DPYD: variants seen among roughly 807,000 people sequenced by gnomAD.
DPYD encodes dihydropyrimidine dehydrogenase [NADP(+)].
A neutral mutation model predicts 116.2 loss-of-function variants in DPYD; 109 were observed. The ratio of observed to expected loss-of-function variants is 0.94; its 90% CI spans 0.80 to 1.10. DPYD has a LOEUF of 1.10. Among genes scored for constraint, DPYD ranks in the 50% least tolerant of loss-of-function variants. The pLI is 0.00. For synonymous variants in DPYD, 440 were observed against 432.0 expected (o/e 1.02, Z -0.23); for missense variants, 1,302 against 1,254.5 (o/e 1.04, Z -0.57).
chr1:97,614,508 A>T (rs1340347380), intron 8 of DPYD, among the ~76,000 whole-genome samples: 1 of 152,082 alleles, frequency 6.6e-6, no homozygotes, highest in East Asian at 1.9e-4. Flanking sequence ...GTCAAGGACA[A>T]TTAGCCCCTA....
chr1:97,380,869 T>C (rs886870594), intron 15 of DPYD, among the ~76,000 whole-genome samples: 2 of 152,202 alleles, frequency 1.3e-5, no homozygotes, highest in African/African-American at 4.8e-5. Flanking sequence ...AAATACTGAT[T>C]CTACAAAACG....
chr1:97,780,949 C>T (rs558616978), intron 3 of DPYD, among the ~76,000 whole-genome samples: 2 of 152,244 alleles, frequency 1.3e-5, no homozygotes, highest in South Asian at 2.1e-4. Flanking sequence ...GTATCTTTAA[C>T]ATAACAGCAG....
intron 11 of DPYD, among the ~76,000 whole-genome samples, chr1:97,569,729 A>T (rs896067958): frequency 6.6e-6 from 1 of 151,946 alleles, no homozygotes; most frequent in East Asian, 1.9e-4. Context: ...CGTTATATCA[A>T]TTGAGTCAGA....
chr1:97,556,801 T>C lies in DPYD; in HGVS notation c.1340-7057A>G, dbSNP rs1194373319. Among the ~76,000 whole-genome samples, 11 of 151,628 alleles carry C rather than the reference T, an allele frequency of 7.3e-5. No homozygotes were observed. In the East Asian group the frequency reaches 1.9e-3, roughly 27 times the overall value. On this transcript the variant is annotated intron_variant, in intron 11 of 22. Coordinates refer to ENST00000370192, the MANE Select transcript of DPYD (RefSeq NM_000110.4). ...TCCAAGTCTTTGCTATTGTGAATAA[T>C]GTCGCAATAAACATACATGTGCATG...
intron 7 of DPYD, among the ~76,000 whole-genome samples, chr1:97,688,996 G>T (rs78558062): frequency 0.081 from 12,068 of 149,200 alleles, 605 homozygotes; most frequent in Middle Eastern, 0.11. Flanking sequence ...TGTAAGACTA[G>T]AAAAATATTT....
At chr1:97,793,258 G>T (rs547106880) in intron 3 of DPYD, among the ~76,000 whole-genome samples, 1 of 152,276 alleles carries the variant, frequency 6.6e-6, no homozygotes, top group African/African-American at 2.4e-5. Flanking sequence ...TGGGTCAGAA[G>T]ACTCAATTTT....
rs192797468 is a variant in DPYD at position 97,188,338 on chromosome 1, G to A, written c.2622+4731C>T. Among the ~76,000 whole-genome samples, 77 of 152,250 alleles carry A rather than the reference G, an allele frequency of 5.1e-4. 1 individual carries two copies. The East Asian group carries it at 0.01, about 20-fold the overall frequency. ...CAGGTTTATTGTTTTCTTCTAAAAT[G>A]ACTGCTGCTGTTCTTAAAAGGATCT... is the stretch of plus-strand genomic sequence containing the variant. On this transcript the variant is annotated intron_variant, in intron 20 of 22. Coordinates refer to ENST00000370192, the MANE Select transcript of DPYD (RefSeq NM_000110.4).
In DPYD at chr1:97,838,337, C is replaced by T. The variant is rs544009572; in HGVS notation, c.151-10141G>A. 3.3e-5 allele frequency among the ~76,000 whole-genome samples: 5 copies of T among 152,172 alleles called. No individual in the cohort carries two copies. In the East Asian group the frequency reaches 7.7e-4, roughly 24 times the overall value. ...CATATAAATCCAGATATAATAGCAA[C>T]GGTATGTGGCTCAGAGTTGTGGGTA... On this transcript the variant is annotated intron_variant, in intron 2 of 22. Coordinates refer to ENST00000370192, the MANE Select transcript of DPYD (RefSeq NM_000110.4).
intron 2 of DPYD, among the ~76,000 whole-genome samples, chr1:97,851,841 C>T (rs914964077): frequency 6.6e-6 from 1 of 151,664 alleles, no homozygotes; most frequent in African/African-American, 2.4e-5. Context: ...GTGTTTAATT[C>T]AGGAAAACCA....
chr1:97,643,770 C>A (rs1470613311), intron 8 of DPYD, among the ~76,000 whole-genome samples: 1 of 152,132 alleles, frequency 6.6e-6, no homozygotes, highest in Non-Finnish European at 1.5e-5. Context: ...AGGATGAGTT[C>A]ATGTCCTTTG....
intron 13 of DPYD, among the ~76,000 whole-genome samples, chr1:97,464,660 G>T (rs903171512): frequency 2.0e-5 from 3 of 152,184 alleles, no homozygotes; most frequent in Admixed American, 2.0e-4. Context: ...TCCACATAAT[G>T]TTGAGCCTGC....
chr1:97,699,490 T>C lies in DPYD; in HGVS notation c.541A>G (p.Lys181Glu). 6 of 1,613,566 alleles carry C rather than the reference T, an allele frequency of 3.7e-6. No homozygotes were observed. Among genetic ancestry groups the C allele is most frequent in the Non-Finnish European group, 4.2e-6 (5 of 1,179,652 alleles). The change falls in exon 6 of 23, where the codon AAA becomes GAA. Residue 181 changes from lysine (K) to glutamate (E), a missense_variant. By Grantham distance (56) the Lys-to-Glu change is moderately conservative. Coordinates refer to ENST00000370192, the MANE Select transcript of DPYD (RefSeq NM_000110.4). The stretch of plus-strand genomic sequence containing the variant: ...TTTGCAGAATAGGCTTCAGACATTT[T>C]TTCTGGGGGAGGCAGCGAAGGATTT... ...IRNPSLPPPE[K>E]MSEAYSAKIA...
chr1:97,492,752 T>A (rs1679041225), intron 13 of DPYD, among the ~76,000 whole-genome samples: 1 of 152,134 alleles, frequency 6.6e-6, no homozygotes, highest in Non-Finnish European at 1.5e-5. Context: ...ATCCAGAGTC[T>A]AAAGAAATTC....
At chr1:97,215,265 C>T (rs1660302028) in intron 19 of DPYD, among the ~76,000 whole-genome samples, 1 of 152,120 alleles carries the variant, frequency 6.6e-6, no homozygotes, top group South Asian at 2.1e-4. Flanking sequence ...TAATGAGCAA[C>T]AGAGCTGGGA....
chr1:97,469,817 T>C (rs1402090519), intron 13 of DPYD, among the ~76,000 whole-genome samples: 2 of 152,170 alleles, frequency 1.3e-5, no homozygotes, highest in Admixed American at 6.6e-5. Flanking sequence ...ATTCCAGGTA[T>C]CTGAACAACT....
chr1:97,445,956 A>T (rs1676063498), intron 14 of DPYD, among the ~76,000 whole-genome samples: 2 of 152,078 alleles, frequency 1.3e-5, no homozygotes, highest in South Asian at 2.1e-4. Flanking sequence ...CAAACTCCTG[A>T]CCTCAAGTGA....
chr1:97,839,711 G>A (rs1328720813), intron 2 of DPYD, among the ~76,000 whole-genome samples: 1 of 151,910 alleles, frequency 6.6e-6, no homozygotes, highest in East Asian at 1.9e-4. Context: ...CTCTTACTAG[G>A]GGATAAATTA....
At chr1:97,421,717 C>T (rs529487809) in intron 14 of DPYD, among the ~76,000 whole-genome samples, 4 of 152,258 alleles carry the variant, frequency 2.6e-5, no homozygotes, top group African/African-American at 9.6e-5. Flanking sequence ...GATATTACTG[C>T]AACTCCTCAG....
chr1:97,242,965 T>C (rs989159634), intron 18 of DPYD, among the ~76,000 whole-genome samples: 1 of 151,868 alleles, frequency 6.6e-6, no homozygotes, highest in African/African-American at 2.4e-5. Flanking sequence ...TTATCCTATG[T>C]AGCAAATTGG....
Sources: allele counts gnomAD v4.1 joint callset (sites outside exome capture counted in the v4.1 genomes callset), GRCh38; gene constraint gnomAD v4.1.1; transcripts MANE v1.5; gene names NCBI Gene and HGNC (gene_info 2026-07-23, HGNC 2026-07-21).